The following ARHGEF11 variants were observed in gnomAD, a reference collection of about 807,000 sequenced individuals.
ARHGEF11 encodes the protein Rho guanine exchange factor (GEF) 11.
In ARHGEF11, 55 loss-of-function variants were observed where a neutral mutation model predicts 193.7. That is an observed-to-expected ratio of 0.28 (90% confidence interval 0.23 to 0.36). ARHGEF11 has a LOEUF of 0.36. Among genes scored for constraint, ARHGEF11 ranks in the 10% least tolerant of loss-of-function variants. The pLI is 1.00. For synonymous variants in ARHGEF11, 693 were observed against 768.0 expected, an observed-to-expected ratio of 0.90 and a Z score of 1.62; for missense variants, 1,723 against 2,005.6, an observed-to-expected ratio of 0.86 and a Z score of 2.69.
At chr1:156,947,490 A>T in intron 25 of ARHGEF11, 40 bp from the exon 26 acceptor site, 1 of 1,541,242 alleles carries the variant, frequency 6.5e-7, no homozygotes, top group Non-Finnish European at 8.7e-7. Context: ...AAAGCCAGGG[A>T]GAAAACGGAT....
intron 1 of ARHGEF11, among the ~76,000 whole-genome samples, chr1:157,018,998 ATTTAAATG>A (rs1349163480): frequency 6.6e-6 from 1 of 152,232 alleles, no homozygotes; most frequent in African/African-American, 2.4e-5. Flanking sequence ...TAAATCACAG[ATTTAAATG>A]TAAGAGCTAA....
chr1:157,002,874 C>T (rs985344034), intron 1 of ARHGEF11, among the ~76,000 whole-genome samples: 1 of 152,196 alleles, frequency 6.6e-6, no homozygotes, highest in Non-Finnish European at 1.5e-5. Flanking sequence ...CATTTATTAG[C>T]TGTGTGACTT....
chr1:156,989,897 T>C (rs1571384083), intron 1 of ARHGEF11, among the ~76,000 whole-genome samples: 1 of 152,054 alleles, frequency 6.6e-6, no homozygotes, highest in South Asian at 2.1e-4. Flanking sequence ...TTGAAAATTG[T>C]AGACATCATG....
At chr1:156,975,656 A>T (rs1283637157) in intron 7 of ARHGEF11, among the ~76,000 whole-genome samples, 1 of 152,178 alleles carries the variant, frequency 6.6e-6, no homozygotes, top group Non-Finnish European at 1.5e-5. Context: ...CTCCCACCTA[A>T]AATTTTTTCT....
At position 156,943,983 on chromosome 1, in the gene ARHGEF11, TG is replaced by T; in HGVS notation, c.3186del (p.Phe1062LeufsTer41). 6.2e-7 allele frequency: 1 copy of T among 1,614,170 alleles called. No individual in the cohort carries two copies. The highest frequency in any genetic ancestry group is 8.5e-7 in the Non-Finnish European group (1 of 1,180,010). Reference protein sequence around the residue: ...AVGSSDSKQTFSPVLKLNAVL... With the variant: ...AVGSSDSKQTXSPVLKLNAVL... The stretch of plus-strand genomic sequence containing the variant: ...ACAGCATTGAGCTTGAGCACGGGGC[TG>T]AAGGTCTGCTTGCTGTCTGAGGAGC... On this transcript the variant is annotated frameshift_variant, in exon 32 of 41. Coordinates refer to ENST00000368194, the MANE Select transcript of ARHGEF11 (RefSeq NM_198236.3). LOFTEE classifies it high-confidence loss of function.
chr1:156,946,620 T>A (rs750692572), intron 28 of ARHGEF11, 42 bp downstream of exon 28: 1 of 1,613,230 alleles, frequency 6.2e-7, no homozygotes, highest in Non-Finnish European at 8.5e-7. Context: ...TTGGTGACCT[T>A]GATGGAGATG....
upstream of ARHGEF11, among the ~76,000 whole-genome samples, chr1:157,046,024 C>T (rs1422091849): frequency 1.3e-5 from 2 of 151,188 alleles, no homozygotes; most frequent in African/African-American, 2.4e-5. Flanking sequence ...TCCCGCCGAC[C>T]GGCCCGCCCC....
Position 156,941,412 on chromosome 1 carries a change from G to T in ARHGEF11, c.3474C>A (p.Asp1158Glu), listed in dbSNP as rs745891824. Residue 1158 changes from aspartate (D) to glutamate (E), a missense_variant, in exon 35 of 41, where the codon GAC becomes GAA. Physicochemically the swap from Asp to Glu is conservative, Grantham distance 45. This residue lies in a region of ARHGEF11 where 203 missense variants were observed against 237.3 expected (regional missense o/e 0.86). Coordinates refer to ENST00000368194, the MANE Select transcript of ARHGEF11 (RefSeq NM_198236.3). ...TPSRVELDDS[D>E]VFHGEPEPEE... The stretch of plus-strand genomic sequence containing the variant: ...CAGGTTCAGGTTCACCATGGAACAC[G>T]TCTGAGTCATCCAGTTCTACCCTGA... 6.2e-7 allele frequency: 1 copy of T among 1,613,856 alleles called. No individual in the cohort carries two copies. The highest frequency in any genetic ancestry group is 8.5e-7 in the Non-Finnish European group (1 of 1,179,846).
intron 1 of ARHGEF11, among the ~76,000 whole-genome samples, chr1:156,995,414 C>G (rs1345721402): frequency 6.6e-5 from 10 of 152,210 alleles, no homozygotes. Flanking sequence ...GGAACCCACA[C>G]TCATTCCTCA....
At chr1:156,946,242 G>A (rs1279981069) in intron 28 of ARHGEF11, 80 bp from the exon 29 acceptor site, 17 of 1,186,510 alleles carry the variant, frequency 1.4e-5, no homozygotes, top group Non-Finnish European at 2.1e-5. Context: ...CAAGATGGGT[G>A]TGAACATGAC....
intron 7 of ARHGEF11, among the ~76,000 whole-genome samples, chr1:156,973,870 T>C (rs1662883287): frequency 6.6e-6 from 1 of 152,228 alleles, no homozygotes; most frequent in Admixed American, 6.5e-5. Context: ...TTATTGCTTA[T>C]CTACTGCAAT....
At chr1:156,956,593 A>G (rs1380096159) in intron 18 of ARHGEF11, 29 bp from the exon 19 acceptor site, 1 of 1,613,004 alleles carries the variant, frequency 6.2e-7, no homozygotes, top group Admixed American at 1.7e-5. Flanking sequence ...GTCCTGAATC[A>G]GAGAGCTCAA....
intron 1 of ARHGEF11, among the ~76,000 whole-genome samples, chr1:157,034,017 T>C (rs1005419913): frequency 1.3e-5 from 2 of 152,160 alleles, no homozygotes; most frequent in African/African-American, 4.8e-5. Context: ...AGCACTACGA[T>C]AAGTGAAGAT....
At chr1:156,944,970 G>A (rs1657845758) in intron 30 of ARHGEF11, 49 bp downstream of exon 30, 2 of 1,592,798 alleles carry the variant, frequency 1.3e-6, no homozygotes, top group African/African-American at 1.3e-5. Flanking sequence ...TGCTCCTAAG[G>A]GTACCCACAA....
At chr1:157,019,128 T>C (rs145549678) in intron 1 of ARHGEF11, among the ~76,000 whole-genome samples, 11 of 152,328 alleles carry the variant, frequency 7.2e-5, no homozygotes, top group African/African-American at 1.7e-4. Context: ...AAAAACCTTA[T>C]ATATTGGATT....
chr1:157,002,672 A>T (rs1667349161), intron 1 of ARHGEF11, among the ~76,000 whole-genome samples: 1 of 152,180 alleles, frequency 6.6e-6, no homozygotes, highest in Non-Finnish European at 1.5e-5. Context: ...CCTGTCACAT[A>T]TATTTTGTTG....
At chr1:157,001,752 T>C (rs1667229457) in intron 1 of ARHGEF11, among the ~76,000 whole-genome samples, 1 of 152,156 alleles carries the variant, frequency 6.6e-6, no homozygotes, top group Non-Finnish European at 1.5e-5. Context: ...AGTGTTGCTG[T>C]CTCTTACACT....
At chr1:157,002,686 A>G (rs822578) in intron 1 of ARHGEF11, among the ~76,000 whole-genome samples, 98,486 of 151,546 alleles carry the variant, frequency 0.65, 33,531 homozygotes, top group East Asian at 0.85. Flanking sequence ...TTTGTTGATA[A>G]AGCCTGCAAT....
chr1:157,019,060 T>C (rs544878105), intron 1 of ARHGEF11, among the ~76,000 whole-genome samples: 9 of 152,322 alleles, frequency 5.9e-5, no homozygotes, highest in African/African-American at 2.2e-4. Flanking sequence ...AAAATCTTAG[T>C]GGCTATGAAA....
Sources: allele counts gnomAD v4.1 joint callset (sites outside exome capture counted in the v4.1 genomes callset), GRCh38; gene constraint gnomAD v4.1.1; regional missense constraint gnomAD v4.1.1; transcripts MANE v1.5; gene names NCBI Gene and HGNC (gene_info 2026-07-23, HGNC 2026-07-21).